NEK1: variants seen among roughly 807,000 people sequenced by gnomAD.
NEK1 encodes NIMA related kinase 1.
Under a neutral mutation model 182.1 loss-of-function variants are expected in NEK1, and 137 were observed. That is an observed-to-expected ratio of 0.75 (90% CI 0.65 to 0.87). The LOEUF (loss-of-function observed/expected upper bound fraction) is 0.87, where lower values mean the gene tolerates loss of function less well. Among genes scored for constraint, NEK1 ranks in the 40% least tolerant of loss-of-function variants. The pLI is 0.00. For missense variants in NEK1, 1,391 were observed against 1,494.4 expected (o/e 0.93, Z 1.14); for synonymous variants, 513 against 492.2 (o/e 1.04, Z -0.56).
chr4:169,557,515 G>A (rs1486222738), intron 16 of NEK1, among the ~76,000 whole-genome samples: 4 of 145,854 alleles, frequency 2.7e-5, no homozygotes, highest in Non-Finnish European at 5.9e-5. Context: ...CTAAGGCTGA[G>A]TGGAAGCCTT....
intron 9 of NEK1, among the ~76,000 whole-genome samples, chr4:169,586,865 A>G (rs1423432096): frequency 6.6e-6 from 1 of 152,034 alleles, no homozygotes; most frequent in African/African-American, 2.4e-5. Flanking sequence ...GGAAGAAAAA[A>G]AAATTTCATT....
In NEK1 at chr4:169,437,030, G is replaced by A. The variant is rs538236243; in HGVS notation, c.2764+1053C>T. On this transcript the variant is annotated intron_variant, in intron 28 of 35. Coordinates refer to ENST00000507142, the MANE Select transcript of NEK1 (RefSeq NM_001199397.3). The stretch of plus-strand genomic sequence containing the variant: ...TCAGACTGAAGGGGACAAACATAGT[G>A]CAAAAGAGAAGAGCCCTTGAGCACA... Among the ~76,000 whole-genome samples, 4 of 152,290 alleles carry A rather than the reference G, an allele frequency of 2.6e-5. No homozygotes were observed. The South Asian group carries it at 8.3e-4, about 32-fold the overall frequency.
At chr4:169,451,386 G>A (rs888539638) in intron 27 of NEK1, among the ~76,000 whole-genome samples, 8 of 152,140 alleles carry the variant, frequency 5.3e-5, no homozygotes, top group African/African-American at 1.7e-4. Flanking sequence ...ATAATTGGAA[G>A]TAAAGCACTC....
chr4:169,445,864 A>ATC, intron 27 of NEK1, among the ~76,000 whole-genome samples: 1 of 142,874 alleles, frequency 7.0e-6, no homozygotes, highest in South Asian at 2.2e-4. Flanking sequence ...ATATATATAT[A>ATC]TACACACACA....
intron 12 of NEK1, among the ~76,000 whole-genome samples, chr4:169,575,079 G>C (rs1765485431): frequency 6.6e-6 from 1 of 152,200 alleles, no homozygotes; most frequent in Non-Finnish European, 1.5e-5. Flanking sequence ...AGTATGACCA[G>C]AGTCTTACAG....
At chr4:169,398,218 AT>A (rs1731035401) in intron 35 of NEK1, among the ~76,000 whole-genome samples, 1 of 152,108 alleles carries the variant, frequency 6.6e-6, no homozygotes, top group African/African-American at 2.4e-5. Flanking sequence ...TTTTGATAAA[AT>A]TTTTTAATAT....
rs368702419 is a variant in NEK1 at position 169,556,043 on chromosome 4, C to T, written c.1319G>A (p.Arg440Gln). 12 of 1,613,324 alleles carry T rather than the reference C, an allele frequency of 7.4e-6. No homozygotes were observed. Among genetic ancestry groups the T allele is most frequent in the South Asian group, 6.6e-5 (6 of 91,034 alleles). The change falls in exon 17 of 36, where the codon CGA (arginine) becomes CAA (glutamine). Residue 440 changes from arginine (R) to glutamine (Q), a missense_variant. Around this residue, in one of 5 missense-constraint regions of NEK1, gnomAD observed 1,216 missense variants for 1,277.6 expected, o/e 0.95. Coordinates refer to ENST00000507142, the MANE Select transcript of NEK1 (RefSeq NM_001199397.3). ...GGCATGGTAATGTTCATACTGTCCT[C>T]GAGAAGAAAAAGATGATGGAGCTAT... The part of the protein sequence containing the change: ...GTIAPSSFSS[R>Q]GQYEHYHAIF...
intron 23 of NEK1, among the ~76,000 whole-genome samples, chr4:169,499,952 C>T (rs1752111752): frequency 6.6e-6 from 1 of 152,186 alleles, no homozygotes; most frequent in Non-Finnish European, 1.5e-5. Context: ...TTTAAGTCTG[C>T]AGAGGATTCT....
chr4:169,497,550 A>C (rs1164482629), intron 23 of NEK1, among the ~76,000 whole-genome samples: 3 of 152,222 alleles, frequency 2.0e-5, no homozygotes, highest in Non-Finnish European at 4.4e-5. Flanking sequence ...TTAGTGCTAT[A>C]AATTTCCTTC....
intron 22 of NEK1, 50 bp from the exon 23 acceptor site, chr4:169,507,182 G>GTTT: frequency 3.5e-6 from 3 of 853,026 alleles, no homozygotes; most frequent in Non-Finnish European, 5.0e-6. Context: ...GAAGGGCAGA[G>GTTT]GTTTTTTTTT....
chr4:169,610,153 C>T (rs553205443), intron 2 of NEK1, among the ~76,000 whole-genome samples: 88 of 152,036 alleles, frequency 5.8e-4, no homozygotes, highest in African/African-American at 2.1e-3. Flanking sequence ...AGGAGTGTGA[C>T]ACCATACCCA....
chr4:169,570,453 G>T (rs1394851119), intron 12 of NEK1, among the ~76,000 whole-genome samples: 3 of 151,342 alleles, frequency 2.0e-5, no homozygotes, highest in Non-Finnish European at 4.4e-5. Context: ...CTGGGAGGGA[G>T]GTGGGGGGAT....
In NEK1 at chr4:169,479,488, C is replaced by T. The variant is rs2149558271; in HGVS notation, c.2054G>A (p.Gly685Glu). The T allele has an allele frequency of 6.2e-7, 1 of 1,611,358 alleles. No individual in the cohort carries two copies. Among genetic ancestry groups the T allele is most frequent in the African/African-American group, 1.3e-5 (1 of 74,892 alleles). The change falls in exon 24 of 36, where the codon GGA becomes GAA. Residue 685 changes from glycine (G) to glutamate (E), a missense_variant. Coordinates refer to ENST00000507142, the MANE Select transcript of NEK1 (RefSeq NM_001199397.3). ...VKSSDVSPPL[G>E]QHETGGSPSK... ...TGGAGAGCCACCTGTTTCATGCTGT[C>T]CCAAAGGTGGAGAAACATCAGAACT...
At chr4:169,450,828 G>T (rs954278292) in intron 27 of NEK1, among the ~76,000 whole-genome samples, 1 of 152,098 alleles carries the variant, frequency 6.6e-6, no homozygotes, top group African/African-American at 2.4e-5. Flanking sequence ...AAATATAAAT[G>T]GGCTAAATGC....
intron 23 of NEK1, among the ~76,000 whole-genome samples, chr4:169,485,979 G>C (rs1461289636): frequency 6.6e-6 from 1 of 152,064 alleles, no homozygotes; most frequent in African/African-American, 2.4e-5. Context: ...CCAGCAGGTC[G>C]AAATTGCAGA....
Position 169,479,531 on chromosome 4 carries a change from C to T in NEK1, c.2011G>A (p.Val671Met). The change falls in exon 24 of 36, where the codon GTG (valine) becomes ATG (methionine). Residue 671 changes from valine to methionine, a missense_variant. Val to Met is a conservative substitution (Grantham distance 21). Coordinates refer to ENST00000507142, the MANE Select transcript of NEK1 (RefSeq NM_001199397.3). Reference protein sequence around the residue: ...REKKVWEEHLVAKGVKSSDVS... With the variant: ...REKKVWEEHLMAKGVKSSDVS... ...TCAGAACTCTTAACTCCTTTAGCCA[C>T]CAACTATAAAAAAGGATTTTATTAA... 6.3e-7 allele frequency: 1 copy of T among 1,592,520 alleles called. No homozygotes were observed. Among genetic ancestry groups the T allele is most frequent in the Non-Finnish European group, 8.5e-7 (1 of 1,173,194 alleles).
At chr4:169,610,925 A>T (rs759674663) in intron 2 of NEK1, among the ~76,000 whole-genome samples, 7 of 152,252 alleles carry the variant, frequency 4.6e-5, no homozygotes, top group Non-Finnish European at 1.0e-4. Context: ...GAGGGGATCC[A>T]TTTATCTTCT....
chr4:169,479,285 A>AT (rs1747544235), intron 24 of NEK1, 118 bp downstream of exon 24: 1 of 1,070,078 alleles, frequency 9.3e-7, no homozygotes, highest in Non-Finnish European at 1.3e-6. Flanking sequence ...TTAAAAAGTA[A>AT]TTTTTTTCCT....
intron 2 of NEK1, among the ~76,000 whole-genome samples, chr4:169,609,415 C>CTGT (rs1364898119): frequency 1.3e-5 from 2 of 152,282 alleles, no homozygotes; most frequent in Non-Finnish European, 1.5e-5. Flanking sequence ...CTCTGCAGCA[C>CTGT]TGTTTCTAAT....
Sources: allele counts gnomAD v4.1 joint callset (sites outside exome capture counted in the v4.1 genomes callset), GRCh38; gene constraint gnomAD v4.1.1; regional missense constraint gnomAD v4.1.1; transcripts MANE v1.5; gene names NCBI Gene and HGNC (gene_info 2026-07-23, HGNC 2026-07-21).